PTPRG: variants seen among roughly 807,000 people sequenced by gnomAD.
The protein encoded by PTPRG is protein tyrosine phosphatase receptor type G.
Under a neutral mutation model 165.3 loss-of-function variants are expected in PTPRG, and 102 were observed. The observed-to-expected ratio is 0.62, with a 90% confidence interval of 0.53 to 0.73. The LOEUF is 0.73. PTPRG is among the 30% of genes least tolerant of loss of function. PTPRG has a pLI of 0.00. For missense variants in PTPRG, 1,866 were observed against 1,861.4 expected (o/e 1.00, Z -0.05); for synonymous variants, 675 against 669.5 (o/e 1.01, Z -0.13).
chr3:61,978,282 C>A (rs1259805973), intron 2 of PTPRG, among the ~76,000 whole-genome samples: 1 of 152,188 alleles, frequency 6.6e-6, no homozygotes, highest in Non-Finnish European at 1.5e-5. Flanking sequence ...TCCTCCAAAG[C>A]AGAACATTAA....
At chr3:62,004,878 C>G (rs1268372008) in intron 4 of PTPRG, among the ~76,000 whole-genome samples, 1 of 151,846 alleles carries the variant, frequency 6.6e-6, no homozygotes, top group Non-Finnish European at 1.5e-5. Flanking sequence ...CTTGAGACCC[C>G]CTTCACAAAG....
chr3:62,242,878 G>A (rs2106949970), intron 14 of PTPRG, among the ~76,000 whole-genome samples: 1 of 152,260 alleles, frequency 6.6e-6, no homozygotes, highest in East Asian at 1.9e-4. Context: ...ACAGATCCCA[G>A]TGACACTGTG....
intron 1 of PTPRG, among the ~76,000 whole-genome samples, chr3:61,583,774 A>C (rs1386350597): frequency 6.6e-6 from 1 of 152,112 alleles, no homozygotes; most frequent in East Asian, 1.9e-4. Flanking sequence ...CTGCTCCCTG[A>C]AGCTCAGAGC....
At chr3:61,731,745 T>C (rs1186949233) in intron 1 of PTPRG, among the ~76,000 whole-genome samples, 2 of 152,186 alleles carry the variant, frequency 1.3e-5, no homozygotes, top group African/African-American at 4.8e-5. Flanking sequence ...TCCAGCTTTT[T>C]CTGTAGTTCT....
chr3:62,065,348 A>T (rs1292398070), intron 4 of PTPRG, among the ~76,000 whole-genome samples: 1 of 152,076 alleles, frequency 6.6e-6, no homozygotes, highest in South Asian at 2.1e-4. Flanking sequence ...ACCGCATGAG[A>T]CCAGGGCTGA....
At chr3:61,650,146 T>C (rs1702311974) in intron 1 of PTPRG, among the ~76,000 whole-genome samples, 1 of 152,166 alleles carries the variant, frequency 6.6e-6, no homozygotes, top group African/African-American at 2.4e-5. Context: ...CCTGTACAAA[T>C]GCAGTGATAC....
At chr3:61,934,804 A>G (rs1312641100) in intron 2 of PTPRG, among the ~76,000 whole-genome samples, 2 of 152,030 alleles carry the variant, frequency 1.3e-5, no homozygotes, top group South Asian at 2.1e-4. Flanking sequence ...TGGGGGTTCT[A>G]TTGCTTATTT....
intron 28 of PTPRG, among the ~76,000 whole-genome samples, chr3:62,291,438 G>C (rs1459109701): frequency 6.6e-6 from 1 of 151,974 alleles, no homozygotes; most frequent in Non-Finnish European, 1.5e-5. Context: ...GAAATAATGA[G>C]TTGAACTGAA....
chr3:61,583,690 T>C (rs1700361897), intron 1 of PTPRG, among the ~76,000 whole-genome samples: 1 of 151,556 alleles, frequency 6.6e-6, no homozygotes, highest in Non-Finnish European at 1.5e-5. Context: ...CAGGCTGGGC[T>C]CGATACACCT....
At chr3:62,169,196 G>T (rs931680087) in intron 8 of PTPRG, among the ~76,000 whole-genome samples, 2 of 152,014 alleles carry the variant, frequency 1.3e-5, no homozygotes, top group South Asian at 2.1e-4. Context: ...GGGCCCAAGG[G>T]TCTCCAAATT....
In PTPRG at chr3:62,275,896, A is replaced by G. The variant is rs763219717; in HGVS notation, c.3489A>G (p.Lys1163=). ...AGCTGGTCACACAGTGTAATGCAAA[A>G]TATGTGGAATGTTTCAGTGCTCAGA... ...QFKLVTQCNA[K]YVECFSAQKE... The change falls in exon 24 of 30, where the codon AAA becomes AAG. Residue 1163 remains lysine, a synonymous_variant. Coordinates refer to ENST00000474889, the MANE Select transcript of PTPRG (RefSeq NM_002841.4). 1 of 1,611,116 alleles carries G rather than the reference A, an allele frequency of 6.2e-7. No individual in the cohort carries two copies.
chr3:62,197,927 A>G (rs1159873448), intron 10 of PTPRG, among the ~76,000 whole-genome samples: 1 of 152,240 alleles, frequency 6.6e-6, no homozygotes, highest in African/African-American at 2.4e-5. Context: ...TTTACTCATT[A>G]CATATATTGG....
intron 2 of PTPRG, among the ~76,000 whole-genome samples, chr3:61,863,532 G>A (rs1189856278): frequency 6.6e-6 from 1 of 152,212 alleles, no homozygotes; most frequent in Non-Finnish European, 1.5e-5. Context: ...CAGATGTCAA[G>A]TGTCCACAGG....
At chr3:62,292,881 C>T (rs1702949825) in intron 29 of PTPRG, among the ~76,000 whole-genome samples, 1 of 151,962 alleles carries the variant, frequency 6.6e-6, no homozygotes, top group African/African-American at 2.4e-5. Flanking sequence ...AGATATTAAC[C>T]AGATATTGGT....
intron 2 of PTPRG, among the ~76,000 whole-genome samples, chr3:61,862,721 C>G (rs1339529626): frequency 6.6e-6 from 1 of 152,128 alleles, no homozygotes; most frequent in African/African-American, 2.4e-5. Context: ...TAAAGAGTAG[C>G]TGCATACAGT....
At chr3:61,917,272 C>G (rs1368483480) in intron 2 of PTPRG, among the ~76,000 whole-genome samples, 1 of 152,180 alleles carries the variant, frequency 6.6e-6, no homozygotes, top group African/African-American at 2.4e-5. Context: ...CTATGTCAGG[C>G]TGAATAATTC....
intron 2 of PTPRG, among the ~76,000 whole-genome samples, chr3:61,883,207 A>G (rs1423492812): frequency 6.6e-6 from 1 of 152,258 alleles, no homozygotes. Context: ...GAAGAAGCTT[A>G]GAATAATGAT....
At chr3:61,625,107 G>A (rs1434161414) in intron 1 of PTPRG, among the ~76,000 whole-genome samples, 1 of 151,206 alleles carries the variant, frequency 6.6e-6, no homozygotes, top group Non-Finnish European at 1.5e-5. Flanking sequence ...AGCCATATTC[G>A]ATTAGGGTCC....
At chr3:62,115,503 G>A (rs1453639799) in intron 5 of PTPRG, among the ~76,000 whole-genome samples, 1 of 152,180 alleles carries the variant, frequency 6.6e-6, no homozygotes, top group East Asian at 1.9e-4. Flanking sequence ...GCTCTTTACT[G>A]ATAGCCAAAC....
Sources: gnomAD v4.1 joint callset for allele counts (sites outside exome capture counted in the v4.1 genomes callset) on GRCh38, gnomAD v4.1.1 for gene constraint, MANE v1.5 for transcripts, NCBI Gene and HGNC (gene_info 2026-07-23, HGNC 2026-07-21) for gene names.